Variants in TPM3 observed in about 807,000 individuals in gnomAD.
TPM3 encodes the protein tropomyosin 3, also known as tropomyosin alpha-3 chain.
Under a neutral mutation model 43.1 loss-of-function variants are expected in TPM3, and 16 were observed. That is an observed-to-expected ratio of 0.37 (90% confidence interval 0.25 to 0.56). TPM3 has a LOEUF of 0.56. Ranked by LOEUF, TPM3 falls within the 20% of genes least tolerant of loss-of-function variation. TPM3 has a pLI of 0.77. For synonymous variants in TPM3, 101 were observed against 116.9 expected (o/e 0.86, Z 0.88); for missense variants, 176 against 337.2 (o/e 0.52, Z 3.74).
intron 2 of TPM3, chr1:154,183,316 G>T (rs1663196082): frequency 1.4e-6 from 2 of 1,475,874 alleles, no homozygotes; most frequent in Non-Finnish European, 1.8e-6. Context: ...GAGAGCCGCG[G>T]CAGGGAGTGG....
intron 2 of TPM3, among the ~76,000 whole-genome samples, chr1:154,190,959 C>T (rs532922518): frequency 1.3e-5 from 2 of 151,994 alleles, no homozygotes; most frequent in African/African-American, 4.8e-5. Flanking sequence ...ATAAATGAGA[C>T]CTTTACATGT....
rs1382868137 is a variant in TPM3 at position 154,176,291 on chromosome 1, G to C, written c.244-43C>G. ...AATGGACAAGGGAAGCAGAGGCATG[G>C]AGAAAAGAAGAAATAACTATGACAT... On this transcript the variant is annotated intron_variant, in intron 2 of 9. Coordinates refer to ENST00000651641, the MANE Select transcript of TPM3 (RefSeq NM_152263.4). The C allele has an allele frequency of 2.5e-6, 4 of 1,613,866 alleles. 1 individual carries two copies. The East Asian group carries it at 8.9e-5, about 36-fold the overall frequency.
chr1:154,157,838 C>T (rs1244470475), downstream of TPM3: 2 of 746,074 alleles, frequency 2.7e-6, no homozygotes, highest in East Asian at 4.9e-5. Flanking sequence ...CAGCTGCCTT[C>T]TCAGCCACAG....
rs1025983103 is a variant in TPM3 at position 154,177,938 on chromosome 1, C to T, written c.244-1690G>A. On this transcript the variant is annotated intron_variant, in intron 2 of 9. Coordinates refer to ENST00000651641, the MANE Select transcript of TPM3 (RefSeq NM_152263.4). ...ATTAAGAAACCATTTGTGCCTCTAA[C>T]TACACTACTCAAAACACCACAAAGA... Among the ~76,000 whole-genome samples, 7 of 152,310 alleles carry T rather than the reference C, an allele frequency of 4.6e-5. No individual in the cohort carries two copies. The East Asian group carries it at 7.7e-4, about 17-fold the overall frequency.
At chr1:154,178,618 A>AC (rs1662608920) in intron 2 of TPM3, among the ~76,000 whole-genome samples, 1 of 152,240 alleles carries the variant, frequency 6.6e-6, no homozygotes, top group Non-Finnish European at 1.5e-5. Flanking sequence ...CTTTCAGGTC[A>AC]AATAATACCA....
rs1660861736 is a variant in TPM3 at position 154,165,640 on chromosome 1, T to C, written c.*2297A>G. 6.6e-6 allele frequency among the ~76,000 whole-genome samples: 1 copy of C among 151,460 alleles called. No individual in the cohort carries two copies. The highest frequency in any genetic ancestry group is 6.6e-5 in the Admixed American group (1 of 15,202). ...CTCACCTCTACTAATAATACAAAAA[T>C]TAGCTGGGTGTGGTGGCAGGCGCCT... On this transcript the variant is annotated 3_prime_UTR_variant, in exon 10 of 10. Transcript: ENST00000651641.
At position 154,170,726 on chromosome 1, in the gene TPM3, G is replaced by C. The variant is rs757004480; in HGVS notation, c.643-15C>G. ...TTTTGAGAGTACTGTAAGATAAGTAGATTAAAAATTTCAGAGTAGAAATTA... is the reference window on the plus strand; with the variant it reads ...TTTTGAGAGTACTGTAAGATAAGTACATTAAAAATTTCAGAGTAGAAATTA... On this transcript the variant is annotated splice_polypyrimidine_tract_variant and intron_variant, in intron 6 of 9. Coordinates refer to ENST00000651641, the MANE Select transcript of TPM3 (RefSeq NM_152263.4). The C allele has an allele frequency of 2.5e-6, 4 of 1,578,608 alleles. No individual in the cohort carries two copies. The highest frequency in any genetic ancestry group is 1.7e-6 in the Non-Finnish European group (2 of 1,150,584).
chr1:154,191,544 C>A (rs565552064), intron 1 of TPM3: 2 of 1,299,550 alleles, frequency 1.5e-6, no homozygotes, highest in East Asian at 5.2e-5. Context: ...TCATCCAAGA[C>A]CCCTGGATGA....
At position 154,185,529 on chromosome 1, in the gene TPM3, A is replaced by G. The variant is rs189029195; in HGVS notation, c.243+5657T>C. On this transcript the variant is annotated intron_variant, in intron 2 of 9. Coordinates refer to ENST00000651641, the MANE Select transcript of TPM3 (RefSeq NM_152263.4). The stretch of plus-strand genomic sequence containing the variant: ...AAACCCTGTCTCTACTAAAAACCAC[A>G]AAAACAAGCAAACAAACAAACAAAC... 5.3e-5 allele frequency among the ~76,000 whole-genome samples: 8 copies of G among 151,046 alleles called. 1 individual carries two copies. The highest frequency in any genetic ancestry group is 1.5e-4 in the African/African-American group (6 of 40,506).
Position 154,192,063 on chromosome 1 carries a change from G to A in TPM3, c.-45C>T. On this transcript the variant is annotated 5_prime_UTR_variant, in exon 1 of 10. Coordinates refer to ENST00000651641, the MANE Select transcript of TPM3 (RefSeq NM_152263.4). The stretch of plus-strand genomic sequence containing the variant: ...GCTCACCTGTGAACACTGGAGAACT[G>A]GAGACTGGGGCAAGAAAGAAGGGGC... The A allele has an allele frequency of 6.5e-7, 1 of 1,543,014 alleles. No homozygotes were observed.
chr1:154,184,032 A>G (rs575738536), intron 2 of TPM3, among the ~76,000 whole-genome samples: 2 of 151,028 alleles, frequency 1.3e-5, no homozygotes, highest in African/African-American at 4.9e-5. Flanking sequence ...GCTCCCTGTT[A>G]TTTTATTTAT....
rs886045299 is a variant in TPM3, at chr1:154,163,734, C to T, written c.*4203G>A. On this transcript the variant is annotated 3_prime_UTR_variant, in exon 10 of 10. Coordinates refer to ENST00000651641, the MANE Select transcript of TPM3 (RefSeq NM_152263.4). ...CTACAAGCTCCGCCTCCCGGGTTCA[C>T]GCCATTCTCCTGCCTCAGCCTCCCA... 3.3e-5 allele frequency among the ~76,000 whole-genome samples: 5 copies of T among 151,962 alleles called. No individual in the cohort carries two copies. The highest frequency in any genetic ancestry group is 1.2e-4 in the African/African-American group (5 of 41,384).
rs1261318136 is a variant in TPM3 at position 154,174,407 on chromosome 1, T to TATATATACACAC, written c.378-1207_378-1206insGTGTGTATATAT. On this transcript the variant is annotated intron_variant, in intron 3 of 9. Coordinates refer to ENST00000651641, the MANE Select transcript of TPM3 (RefSeq NM_152263.4). ...ATATATATATATATATATATATATATACACACAAAAATCCCATCCCAGCTT... is the reference window on the plus strand; with the variant it reads ...ATATATATATATATATATATATATATATATATACACACACACACAAAAATCCCATCCCAGCTT... 4.3e-4 allele frequency among the ~76,000 whole-genome samples: 31 copies of TATATATACACAC among 72,678 alleles called. 2 individuals are homozygous for TATATATACACAC. The highest frequency in any genetic ancestry group is 1.2e-3 in the African/African-American group (23 of 19,974). The allele number at this position is 72,678 out of a possible 152,430, so 47.7% of individuals were successfully genotyped here.
chr1:154,172,223 A>C (rs767118468), intron 5 of TPM3: 1 of 951,978 alleles, frequency 1.1e-6, no homozygotes, highest in Middle Eastern at 2.1e-4. Context: ...AAAAATGGGA[A>C]GAGAACACCA....
At chr1:154,177,680 C>A (rs180740321) in intron 2 of TPM3, among the ~76,000 whole-genome samples, 1 of 152,272 alleles carries the variant, frequency 6.6e-6, no homozygotes, top group African/African-American at 2.4e-5. Context: ...TTCTATTACC[C>A]TGATTTCTTC....
chr1:154,173,612 C>T (rs978604628), intron 3 of TPM3, among the ~76,000 whole-genome samples: 2 of 149,950 alleles, frequency 1.3e-5, no homozygotes, highest in South Asian at 2.1e-4. Flanking sequence ...TGCGGTGAGC[C>T]GAGATCGAGC....
intron 1 of TPM3, 67 bp from the exon 2 acceptor site, chr1:154,191,378 C>T: frequency 6.2e-7 from 1 of 1,607,694 alleles, no homozygotes. Context: ...GGACCCTGGG[C>T]TCTTGGAGCC....
intron 2 of TPM3, chr1:154,182,875 C>T: frequency 6.4e-7 from 1 of 1,552,724 alleles, no homozygotes; most frequent in Non-Finnish European, 8.8e-7. Context: ...CCAACTTCAT[C>T]TCCGAGCCCG....
rs1660632457 is a variant in TPM3 at position 154,163,683 on chromosome 1, G to C, written c.*4254C>G. Among the ~76,000 whole-genome samples, 1 of 151,956 alleles carries C rather than the reference G, an allele frequency of 6.6e-6. No homozygotes were observed. The highest frequency in any genetic ancestry group is 1.5e-5 in the Non-Finnish European group (1 of 68,014). The stretch of plus-strand genomic sequence containing the variant: ...GAGTCTTGCTCTGTCACCCAGGCTG[G>C]AATGCCGTGGCACAATCTCAGCTCA... On this transcript the variant is annotated 3_prime_UTR_variant, in exon 10 of 10. Coordinates refer to ENST00000651641, the MANE Select transcript of TPM3 (RefSeq NM_152263.4).
Sources: gnomAD v4.1 joint callset for allele counts (sites outside exome capture counted in the v4.1 genomes callset) on GRCh38, gnomAD v4.1.1 for gene constraint, MANE v1.5 for transcripts, NCBI Gene and HGNC (gene_info 2026-07-23, HGNC 2026-07-21) for gene names.